The following LCLAT1 variants were observed in gnomAD, a reference collection of about 807,000 sequenced individuals.
LCLAT1 encodes 1-AGP acyltransferase 8.
LCLAT1 carries 11 observed loss-of-function variants against 30.7 expected under a neutral mutation model. The ratio of observed to expected loss-of-function variants is 0.36; its 90% CI spans 0.23 to 0.59. LCLAT1 has a LOEUF of 0.59. Ranked by LOEUF, LCLAT1 falls within the 20% of genes least tolerant of loss-of-function variation. The probability of loss-of-function intolerance (pLI) is 0.77; values close to 1 mark genes in which losing one functional copy is unlikely to be tolerated. For missense variants in LCLAT1, 402 were observed against 458.6 expected, an observed-to-expected ratio of 0.88 and a Z score of 1.13; for synonymous variants, 155 against 151.3, an observed-to-expected ratio of 1.02 and a Z score of -0.18.
chr2:30,620,128 A>G (rs1668171370), intron 5 of LCLAT1, among the ~76,000 whole-genome samples: 1 of 152,178 alleles, frequency 6.6e-6, no homozygotes, highest in Non-Finnish European at 1.5e-5. Flanking sequence ...GAATTAAGCA[A>G]AAAAACCTAG....
intron 1 of LCLAT1, among the ~76,000 whole-genome samples, chr2:30,481,437 G>A (rs1474724166): frequency 1.3e-5 from 2 of 151,320 alleles, no homozygotes; most frequent in African/African-American, 4.9e-5. Context: ...GTGATAGGAA[G>A]CCTCAGCATT....
rs1669272577 is a variant in LCLAT1 at position 30,640,937 on chromosome 2, G to T, written c.*318G>T. The T allele has an allele frequency of 3.6e-6, 1 of 277,626 alleles. No homozygotes were observed. 17.2% of individuals were successfully genotyped at this position (277,626 alleles called of 1,614,324 possible). A position where few individuals can be genotyped will look rare whatever the true frequency, so the allele number is the denominator to read the frequency against. On this transcript the variant is annotated 3_prime_UTR_variant, in exon 6 of 6. Coordinates refer to ENST00000379509, the MANE Select transcript of LCLAT1 (RefSeq NM_001002257.3). ...TTTTCTTAAAGGCCCAATCCTAACA[G>T]ACTCCCCGTACCAGAGGCAGATCTG...
chr2:30,600,230 C>T (rs112719358), intron 5 of LCLAT1, among the ~76,000 whole-genome samples: 1 of 152,102 alleles, frequency 6.6e-6, no homozygotes, highest in Non-Finnish European at 1.5e-5. Flanking sequence ...AACCATACAA[C>T]TACATGGAAA....
rs955090562 is a variant in LCLAT1 at position 30,482,423 on chromosome 2, T to A, written c.-5+35040T>A. Among the ~76,000 whole-genome samples the A allele has an allele frequency of 5.9e-5, 9 of 152,314 alleles. 1 individual carries two copies. In the South Asian group the frequency reaches 1.0e-3, roughly 18 times the overall value. Reference sequence around the variant, plus strand: ...GCAGATAGGAATTATTTGAATATTTTAAAAAATCTCTAGTATATATCTTTC... The same window carrying A: ...GCAGATAGGAATTATTTGAATATTTAAAAAAATCTCTAGTATATATCTTTC... On this transcript the variant is annotated intron_variant, in intron 1 of 5. Transcript: ENST00000379509.
At chr2:30,523,837 C>T (rs1572568539) in intron 1 of LCLAT1, among the ~76,000 whole-genome samples, 1 of 152,212 alleles carries the variant, frequency 6.6e-6, no homozygotes, top group African/African-American at 2.4e-5. Flanking sequence ...CACTGTACTT[C>T]AGCCTAGCGA....
chr2:30,580,351 G>A (rs539396152), intron 5 of LCLAT1, among the ~76,000 whole-genome samples: 3 of 152,238 alleles, frequency 2.0e-5, no homozygotes, highest in African/African-American at 7.2e-5. Flanking sequence ...AGGTATCAGC[G>A]GTTTATCTGG....
chr2:30,536,411 G>A (rs1161738673), intron 3 of LCLAT1, among the ~76,000 whole-genome samples: 1 of 152,178 alleles, frequency 6.6e-6, no homozygotes, highest in African/African-American at 2.4e-5. Flanking sequence ...TCACATAAAA[G>A]GGAATCCCCA....
chr2:30,586,169 G>A (rs1180750446), intron 5 of LCLAT1, among the ~76,000 whole-genome samples: 2 of 151,358 alleles, frequency 1.3e-5, no homozygotes, highest in South Asian at 2.1e-4. Flanking sequence ...GCGTCAACCC[G>A]GGAGGCGGAG....
chr2:30,556,818 G>A (rs1338611550), intron 3 of LCLAT1, among the ~76,000 whole-genome samples: 2 of 147,544 alleles, frequency 1.4e-5, no homozygotes, highest in African/African-American at 2.5e-5. Context: ...CGATCTCGGC[G>A]CACTGCAACC....
intron 1 of LCLAT1, among the ~76,000 whole-genome samples, chr2:30,471,708 A>G (rs969045961): frequency 2.0e-5 from 3 of 152,136 alleles, no homozygotes; most frequent in Non-Finnish European, 2.9e-5. Context: ...GTAGAAACAT[A>G]GTTGGTTTTT....
rs1669235917 is a variant in LCLAT1, at chr2:30,640,313, G to C, written c.825G>C (p.Glu275Asp). The C allele has an allele frequency of 2.5e-6, 4 of 1,614,082 alleles. No individual in the cohort carries two copies. Among genetic ancestry groups the C allele is most frequent in the Non-Finnish European group, 3.4e-6 (4 of 1,180,030 alleles). ...WCHKRWEEKE[E>D]RLRSFYQGEK... ...ACAAACGGTGGGAAGAGAAAGAAGAGAGGCTGCGTTCCTTCTATCAAGGGG... is the reference window on the plus strand; with the variant it reads ...ACAAACGGTGGGAAGAGAAAGAAGACAGGCTGCGTTCCTTCTATCAAGGGG... The change falls in exon 6 of 6, where the codon GAG becomes GAC. Residue 275 changes from glutamate (E) to aspartate (D), a missense_variant. Physicochemically the swap from Glu to Asp is conservative, Grantham distance 45. Coordinates refer to ENST00000379509, the MANE Select transcript of LCLAT1 (RefSeq NM_001002257.3).
intron 1 of LCLAT1, among the ~76,000 whole-genome samples, chr2:30,474,699 A>C (rs1682961090): frequency 6.7e-6 from 1 of 148,408 alleles, no homozygotes. Flanking sequence ...CCCAGGCTGG[A>C]GTGCAGTGGC....
At chr2:30,453,446 T>C (rs1681665691) in intron 1 of LCLAT1, among the ~76,000 whole-genome samples, 1 of 152,210 alleles carries the variant, frequency 6.6e-6, no homozygotes, top group South Asian at 2.1e-4. Flanking sequence ...ATAATATAAA[T>C]ACTGTCTTAG....
intron 1 of LCLAT1, among the ~76,000 whole-genome samples, chr2:30,507,581 C>T (rs570078788): frequency 2.6e-5 from 4 of 152,082 alleles, no homozygotes; most frequent in South Asian, 4.2e-4. Context: ...TCTGTTCCTG[C>T]GTTAGTTTGC....
Position 30,547,702 on chromosome 2 carries a change from G to A in LCLAT1, c.364+14388G>A, listed in dbSNP as rs960466942. On this transcript the variant is annotated intron_variant, in intron 3 of 5. Coordinates refer to ENST00000379509, the MANE Select transcript of LCLAT1 (RefSeq NM_001002257.3). ...TCCCTCAAAGAGGGGGAGGTCCTCAGACATCAGGAGGATGGCATAGTAGAG... is the reference window on the plus strand; with the variant it reads ...TCCCTCAAAGAGGGGGAGGTCCTCAAACATCAGGAGGATGGCATAGTAGAG... Among the ~76,000 whole-genome samples, 7 of 144,876 alleles carry A rather than the reference G, an allele frequency of 4.8e-5. No individual in the cohort carries two copies. In the South Asian group the frequency reaches 6.8e-4, roughly 14 times the overall value.
chr2:30,594,065 C>T (rs1382324598), intron 5 of LCLAT1, among the ~76,000 whole-genome samples: 1 of 151,992 alleles, frequency 6.6e-6, no homozygotes, highest in Non-Finnish European at 1.5e-5. Flanking sequence ...ATAAAGTTTT[C>T]ATAGTTTCAC....
chr2:30,527,365 G>A (rs1486121377), intron 2 of LCLAT1, among the ~76,000 whole-genome samples: 1 of 152,202 alleles, frequency 6.6e-6, no homozygotes, highest in Admixed American at 6.5e-5. Context: ...TAACAGTCAT[G>A]TATTGTTACT....
chr2:30,547,126 C>A (rs1279847912), intron 3 of LCLAT1, among the ~76,000 whole-genome samples: 2 of 152,148 alleles, frequency 1.3e-5, no homozygotes, highest in South Asian at 2.1e-4. Flanking sequence ...CCAAAAGTAA[C>A]AACAGCTTGA....
Position 30,562,160 on chromosome 2 carries a change from G to A in LCLAT1, c.379G>A (p.Ala127Thr). The change falls in exon 4 of 6, where the codon GCT (alanine) becomes ACT (threonine). Residue 127 changes from alanine to threonine, a missense_variant. Transcript: ENST00000379509. ...GVPGFGWAMQ[A>T]AAYIFIHRKW... Reference sequence around the variant, plus strand: ...ATTGATTCTAGGTTGGGCCATGCAGGCTGCTGCCTATATCTTCATTCATAG... The same window carrying A: ...ATTGATTCTAGGTTGGGCCATGCAGACTGCTGCCTATATCTTCATTCATAG... 6.2e-7 allele frequency: 1 copy of A among 1,608,860 alleles called. No individual in the cohort carries two copies. The highest frequency in any genetic ancestry group is 8.5e-7 in the Non-Finnish European group (1 of 1,176,420).
Sources: gnomAD v4.1 joint callset for allele counts (sites outside exome capture counted in the v4.1 genomes callset) on GRCh38, gnomAD v4.1.1 for gene constraint, MANE v1.5 for transcripts, NCBI Gene and HGNC (gene_info 2026-07-23, HGNC 2026-07-21) for gene names.